Variants in PRH1 observed in about 807,000 individuals in gnomAD.
PRH1 encodes the protein proline rich protein HaeIII subfamily 1, also known as salivary acidic proline-rich phosphoprotein 1/2.
A neutral mutation model predicts 7.9 loss-of-function variants in PRH1; 7 were observed. The ratio of observed to expected loss-of-function variants is 0.89; its 90% confidence interval spans 0.50 to 1.67. The LOEUF (loss-of-function observed/expected upper bound fraction) is 1.67, where lower values mean the gene tolerates loss of function less well. PRH1 is among the 40% of genes most tolerant of loss of function. The pLI is 0.00. For synonymous variants in PRH1, 45 were observed against 80.8 expected (o/e 0.56, Z 2.38); for missense variants, 109 against 223.6 (o/e 0.49, Z 3.27).
chr12:10,965,368 A>C, intron 2 of PRH1: 2 of 1,075,050 alleles, frequency 1.9e-6, no homozygotes, highest in Non-Finnish European at 2.6e-6. Context: ...AACAGACAAA[A>C]AGATAGAATA....
At chr12:10,994,120 C>A (rs1198310192) in intron 1 of PRH1, among the ~76,000 whole-genome samples, 2 of 152,216 alleles carry the variant, frequency 1.3e-5, no homozygotes, top group Non-Finnish European at 2.9e-5. Context: ...GCATGGGACA[C>A]AAACATGTGC....
intron 1 of PRH1, among the ~76,000 whole-genome samples, chr12:11,103,799 C>G (rs2136288524): frequency 6.6e-6 from 1 of 152,160 alleles, no homozygotes; most frequent in South Asian, 2.1e-4. Flanking sequence ...AATAAATGCT[C>G]AAGAATGTTA....
chr12:11,150,066 A>T lies in PRH1; in HGVS notation n.39+21356T>A, dbSNP rs1252615272. Reference sequence around the variant, plus strand: ...TTTATGCAGCCAAAAAACACATGAAAAAATGCTCATCATCACTGGCCATCA... The same window carrying T: ...TTTATGCAGCCAAAAAACACATGAATAAATGCTCATCATCACTGGCCATCA... On this transcript the variant is annotated intron_variant and non_coding_transcript_variant, in intron 1 of 1. Transcript: ENST00000541175. Among the ~76,000 whole-genome samples the T allele has an allele frequency of 2.7e-5, 4 of 148,484 alleles. No individual in the cohort carries two copies. The East Asian group carries it at 7.7e-4, about 29-fold the overall frequency.
At chr12:10,908,419 A>C in intron 2 of PRH1, 1 of 1,613,206 alleles carries the variant, frequency 6.2e-7, no homozygotes, top group South Asian at 1.1e-5. Flanking sequence ...GCTGCCACCA[A>C]AAGAAAGGCC....
At chr12:11,030,848 G>C in intron 1 of PRH1, 1 of 1,614,170 alleles carries the variant, frequency 6.2e-7, no homozygotes, top group South Asian at 1.1e-5. Context: ...GATCTTCCAA[G>C]TCAAGTTTCC....
chr12:10,923,128 C>CTTT (rs773305258), intron 2 of PRH1, among the ~76,000 whole-genome samples: 1 of 137,366 alleles, frequency 7.3e-6, no homozygotes. Context: ...GCGCCCGGCC[C>CTTT]TTTTTTTTTT....
chr12:11,084,285 G>A (rs1197768440), intron 1 of PRH1, among the ~76,000 whole-genome samples: 1 of 130,428 alleles, frequency 7.7e-6, no homozygotes, highest in Non-Finnish European at 1.7e-5. Context: ...GGTTTCTTTT[G>A]TCTACTCTGA....
intron 1 of PRH1, among the ~76,000 whole-genome samples, chr12:10,987,319 A>G (rs1171179012): frequency 2.0e-5 from 3 of 152,150 alleles, no homozygotes; most frequent in Non-Finnish European, 4.4e-5. Context: ...TAAATGTCTA[A>G]GTTCTTTAAA....
At position 10,981,223 on chromosome 12, in the gene PRH1, C is replaced by A. The variant is rs1939334160; in HGVS notation, c.-125-7502G>T. 2.6e-5 allele frequency among the ~76,000 whole-genome samples: 4 copies of A among 152,214 alleles called. No individual in the cohort carries two copies. In the South Asian group the frequency reaches 8.3e-4, roughly 32 times the overall value. ...TTTCTCAAAGACCTGTAGCTATTCCCCAGAAAACAGTCCTCAGAGAACAGA... is the reference window on the plus strand; with the variant it reads ...TTTCTCAAAGACCTGTAGCTATTCCACAGAAAACAGTCCTCAGAGAACAGA... On this transcript the variant is annotated intron_variant, in intron 1 of 3. Transcript: ENST00000539853.
chr12:11,030,969 T>C, intron 1 of PRH1: 30 of 1,614,284 alleles, frequency 1.9e-5, no homozygotes, highest in Non-Finnish European at 2.5e-5. Context: ...TTAACTCTCC[T>C]CTTTAAGTGA....
chr12:11,070,006 G>A (rs1247487581), intron 1 of PRH1, among the ~76,000 whole-genome samples: 1 of 152,146 alleles, frequency 6.6e-6, no homozygotes, highest in Non-Finnish European at 1.5e-5. Flanking sequence ...GAGACTTTTA[G>A]GTATAGGGCT....
rs1247391178 is a variant in PRH1, at chr12:10,997,589, A to C, written c.-125-23868T>G. 52 of 1,613,984 alleles carry C rather than the reference A, an allele frequency of 3.2e-5. No homozygotes were observed. The Admixed American group carries it at 4.7e-4, about 14-fold the overall frequency. On this transcript the variant is annotated intron_variant, in intron 1 of 3. Coordinates refer to the PRH1 transcript ENST00000539853. The stretch of plus-strand genomic sequence containing the variant: ...TATGCTGAGGCTAGTAGCAAGCCAG[A>C]TGCTGAAATGATTGGTTACTGCCCA...
intron 1 of PRH1, among the ~76,000 whole-genome samples, chr12:11,168,846 T>C (rs1254152527): frequency 1.3e-5 from 2 of 152,240 alleles, no homozygotes; most frequent in Non-Finnish European, 2.9e-5. Flanking sequence ...AATATTCACA[T>C]AATTAATTCT....
chr12:10,923,524 T>A (rs946328683), intron 2 of PRH1, among the ~76,000 whole-genome samples: 3 of 152,248 alleles, frequency 2.0e-5, no homozygotes, highest in Admixed American at 2.0e-4. Context: ...TAGTTATAAT[T>A]CAGTTAAATA....
intron 1 of PRH1, among the ~76,000 whole-genome samples, chr12:11,016,180 T>C (rs1941286026): frequency 6.6e-6 from 1 of 152,220 alleles, no homozygotes; most frequent in South Asian, 2.1e-4. Flanking sequence ...AACTGTCTGA[T>C]AGATAAGGCA....
At chr12:11,057,944 T>A (rs1335210922) in intron 1 of PRH1, among the ~76,000 whole-genome samples, 1 of 152,276 alleles carries the variant, frequency 6.6e-6, no homozygotes, top group Non-Finnish European at 1.5e-5. Context: ...ATCATGCTAA[T>A]TTAATATATT....
chr12:11,027,434 GC>G (rs1485556420), intron 1 of PRH1, among the ~76,000 whole-genome samples: 1 of 151,746 alleles, frequency 6.6e-6, no homozygotes, highest in Admixed American at 6.6e-5. Context: ...ATGTTTTAAA[GC>G]ATTCAGTGTC....
At chr12:10,967,131 A>G (rs1290933404) in intron 2 of PRH1, among the ~76,000 whole-genome samples, 1 of 151,638 alleles carries the variant, frequency 6.6e-6, no homozygotes, top group African/African-American at 2.4e-5. Flanking sequence ...AAAAAAAAAA[A>G]AAAAGTAGAA....
intron 2 of PRH1, among the ~76,000 whole-genome samples, chr12:10,960,571 A>G (rs1258518352): frequency 6.6e-6 from 1 of 152,214 alleles, no homozygotes; most frequent in African/African-American, 2.4e-5. Flanking sequence ...TTGGGGTAAG[A>G]ACAAAAGCAC....
Sources: gnomAD v4.1 joint callset for allele counts (sites outside exome capture counted in the v4.1 genomes callset) on GRCh38, gnomAD v4.1.1 for gene constraint, MANE v1.5 for transcripts, NCBI Gene and HGNC (gene_info 2026-07-23, HGNC 2026-07-21) for gene names.